The following NUTF2 variants were observed in gnomAD, a reference collection of about 807,000 sequenced individuals.
NUTF2 encodes the protein nuclear transport factor 2.
A neutral mutation model predicts 18.5 loss-of-function variants in NUTF2; 3 were observed. That is an observed-to-expected ratio of 0.16 (90% CI 0.07 to 0.42). The LOEUF (loss-of-function observed/expected upper bound fraction) is 0.42. Among genes scored for constraint, NUTF2 ranks in the 10% least tolerant of loss-of-function variants. The pLI is 0.99. For synonymous variants in NUTF2, 51 were observed against 57.9 expected, an observed-to-expected ratio of 0.88 and a Z score of 0.54; for missense variants, 44 against 160.7, an observed-to-expected ratio of 0.27 and a Z score of 3.93.
At chr16:67,864,962 C>T in intron 1 of NUTF2, 140 bp from the exon 2 acceptor site, 1 of 580,474 alleles carries the variant, frequency 1.7e-6, no homozygotes. Flanking sequence ...CCTGCCAGTT[C>T]CCCAGGGCCT....
At chr16:67,854,150 C>T (rs976283212) in intron 1 of NUTF2, among the ~76,000 whole-genome samples, 8 of 152,176 alleles carry the variant, frequency 5.3e-5, no homozygotes, top group African/African-American at 1.9e-4. Context: ...GGGGTTTCAC[C>T]ATGTTGGTTA....
chr16:67,860,481 G>A (rs969259108), intron 1 of NUTF2, among the ~76,000 whole-genome samples: 11 of 152,216 alleles, frequency 7.2e-5, no homozygotes, highest in Admixed American at 3.3e-4. Context: ...TTGTTGCTGA[G>A]GCTGGTCTGG....
Position 67,870,784 on chromosome 16 carries a change from T to A in NUTF2, c.271-16T>A. ...TTCTTGATCCCCTTACTGAATCCTCTTTTCTCTCCTCATAGGCGGATGAAG... is the reference window on the plus strand; with the variant it reads ...TTCTTGATCCCCTTACTGAATCCTCATTTCTCTCCTCATAGGCGGATGAAG... On this transcript the variant is annotated splice_polypyrimidine_tract_variant and intron_variant, in intron 4 of 4. Transcript: ENST00000219169. 1.9e-6 allele frequency: 3 copies of A among 1,597,614 alleles called. No homozygotes were observed. Among genetic ancestry groups the A allele is most frequent in the South Asian group, 2.2e-5 (2 of 90,684 alleles).
intron 1 of NUTF2, among the ~76,000 whole-genome samples, chr16:67,858,863 C>T (rs1486556715): frequency 6.6e-6 from 1 of 151,852 alleles, no homozygotes; most frequent in Non-Finnish European, 1.5e-5. Flanking sequence ...TGCTGCTCTG[C>T]CTTCAGGACA....
chr16:67,856,424 T>C (rs777660119), intron 1 of NUTF2, among the ~76,000 whole-genome samples: 1 of 151,556 alleles, frequency 6.6e-6, no homozygotes, highest in Non-Finnish European at 1.5e-5. Context: ...ATTCCTGACT[T>C]CATGATCCAC....
intron 1 of NUTF2, among the ~76,000 whole-genome samples, chr16:67,854,874 G>C (rs953523055): frequency 6.6e-6 from 1 of 152,088 alleles, no homozygotes; most frequent in African/African-American, 2.4e-5. Context: ...CCTGGGAGGC[G>C]GAGGTTGCGG....
chr16:67,855,893 G>A lies in NUTF2; in HGVS notation c.-30+8908G>A, dbSNP rs563956352. Reference sequence around the variant, plus strand: ...CCACCCGATTTTTTTTTGGCGGGGGGGGGGGATGGGGGAAATGAGAATAAC... The same window carrying A: ...CCACCCGATTTTTTTTTGGCGGGGGAGGGGGATGGGGGAAATGAGAATAAC... On this transcript the variant is annotated intron_variant, in intron 1 of 4. Transcript: ENST00000219169. 8.9e-6 allele frequency: 4 copies of A among 447,366 alleles called. No homozygotes were observed. The South Asian group carries it at 1.2e-4, about 13-fold the overall frequency. The allele number at this position is 447,366 out of a possible 1,614,324, so 27.7% of individuals were successfully genotyped here.
intron 1 of NUTF2, among the ~76,000 whole-genome samples, chr16:67,854,410 G>A (rs1015052393): frequency 1.3e-5 from 2 of 152,238 alleles, no homozygotes; most frequent in Admixed American, 6.5e-5. Context: ...TCTCCACAGA[G>A]GTGGGAGGTT....
intron 1 of NUTF2, chr16:67,847,807 A>C (rs140517527): frequency 6.6e-6 from 1 of 152,400 alleles, no homozygotes; most frequent in African/African-American, 2.4e-5. Context: ...GGATGACTTC[A>C]TAAGAATGGG....
chr16:67,871,041 G>C lies in NUTF2; in HGVS notation c.*128G>C. ...GCCGCGGTGGGAGTGGGCGCAGTGCGCTGCTGCCACTGAGGTGTTGTGCAT... is the reference window on the plus strand; with the variant it reads ...GCCGCGGTGGGAGTGGGCGCAGTGCCCTGCTGCCACTGAGGTGTTGTGCAT... On this transcript the variant is annotated 3_prime_UTR_variant, in exon 5 of 5. Coordinates refer to ENST00000219169, the MANE Select transcript of NUTF2 (RefSeq NM_005796.3). 1.5e-6 allele frequency: 1 copy of C among 660,520 alleles called. No individual in the cohort carries two copies. Among genetic ancestry groups the C allele is most frequent in the South Asian group, 1.9e-5 (1 of 52,432 alleles). The allele number at this position is 660,520 out of a possible 1,614,324, so 40.9% of individuals were successfully genotyped here.
At chr16:67,858,538 A>G (rs2057913639) in intron 1 of NUTF2, among the ~76,000 whole-genome samples, 1 of 152,236 alleles carries the variant, frequency 6.6e-6, no homozygotes. Flanking sequence ...GCTGGCACAT[A>G]TGTGACACAC....
At chr16:67,857,133 C>T (rs760346908) in intron 1 of NUTF2, among the ~76,000 whole-genome samples, 6 of 152,198 alleles carry the variant, frequency 3.9e-5, no homozygotes, top group Non-Finnish European at 8.8e-5. Context: ...TTAGGGGAGC[C>T]AAGTCCATGT....
At chr16:67,855,332 G>A (rs1356167300) in intron 1 of NUTF2, among the ~76,000 whole-genome samples, 1 of 152,188 alleles carries the variant, frequency 6.6e-6, no homozygotes, top group Non-Finnish European at 1.5e-5. Flanking sequence ...CAAGGGAGAG[G>A]GACACGAGGC....
intron 1 of NUTF2, among the ~76,000 whole-genome samples, chr16:67,852,773 G>T (rs1044971360): frequency 1.3e-5 from 2 of 152,090 alleles, no homozygotes; most frequent in Non-Finnish European, 2.9e-5. Context: ...TCTGCCTCCT[G>T]GGTTCTAGCG....
chr16:67,870,862 T>C lies in NUTF2; in HGVS notation c.333T>C (p.Ala111=), dbSNP rs138689178. 1 of 1,613,984 alleles carries C rather than the reference T, an allele frequency of 6.2e-7. No individual in the cohort carries two copies. Among genetic ancestry groups the C allele is most frequent in the African/African-American group, 1.3e-5 (1 of 75,048 alleles). Residue 111 remains alanine, a synonymous_variant, in exon 5 of 5, where the codon GCT becomes GCC. Transcript: ENST00000219169. ...QMFLLKNIND[A]WVCTNDMFRL... is the part of the protein sequence containing the mutation. ...TCCTATTAAAGAACATCAACGATGC[T>C]TGGGTTTGCACCAATGACATGTTCA...
At chr16:67,870,591 G>T in intron 4 of NUTF2, 1 of 578,302 alleles carries the variant, frequency 1.7e-6, no homozygotes, top group Non-Finnish European at 3.1e-6. Context: ...CATAGGCGTG[G>T]CTGATTGTTG....
chr16:67,871,246 GC>G lies in NUTF2; in HGVS notation c.*336del. 1 of 201,542 alleles carries G rather than the reference GC, an allele frequency of 5.0e-6. No individual in the cohort carries two copies. Among genetic ancestry groups the G allele is most frequent in the Non-Finnish European group, 9.4e-6 (1 of 106,836 alleles). The allele number at this position is 201,542 out of a possible 1,614,324, so 12.5% of individuals were successfully genotyped here. A position where few individuals can be genotyped will look rare whatever the true frequency, so the allele number is the denominator to read the frequency against. On this transcript the variant is annotated 3_prime_UTR_variant, in exon 5 of 5. Transcript: ENST00000219169. ...TGAAGGAGAAAGCAGCTGCCTCACC[GC>G]CCAGACATTGATTTGTTCAGATGTT...
intron 1 of NUTF2, among the ~76,000 whole-genome samples, chr16:67,853,023 A>G (rs2057871626): frequency 6.6e-6 from 1 of 152,114 alleles, no homozygotes; most frequent in Non-Finnish European, 1.5e-5. Flanking sequence ...AGGGTACATC[A>G]GCAGCCTTTT....
intron 1 of NUTF2, among the ~76,000 whole-genome samples, chr16:67,851,078 G>A (rs559200916): frequency 2.0e-3 from 305 of 152,184 alleles, no homozygotes; most frequent in African/African-American, 6.9e-3. Context: ...TAGGATTACA[G>A]GTGTGAGCCA....
Sources: allele counts gnomAD v4.1 joint callset (sites outside exome capture counted in the v4.1 genomes callset), GRCh38; gene constraint gnomAD v4.1.1; transcripts MANE v1.5; gene names NCBI Gene and HGNC (gene_info 2026-07-23, HGNC 2026-07-21).